The following NEK10 variants were observed in gnomAD, a reference collection of about 807,000 sequenced individuals.
NEK10 encodes serine/threonine-protein kinase Nek10.
A neutral mutation model predicts 159.8 loss-of-function variants in NEK10; 122 were observed. The observed-to-expected ratio is 0.76, with a 90% confidence interval of 0.66 to 0.89. The LOEUF is 0.89. NEK10 is among the 40% of genes least tolerant of loss of function. The pLI is 0.00. For missense variants in NEK10, 1,342 were observed against 1,323.1 expected, an observed-to-expected ratio of 1.01 and a Z score of -0.22; for synonymous variants, 466 against 457.1, an observed-to-expected ratio of 1.02 and a Z score of -0.25.
intron 26 of NEK10, among the ~76,000 whole-genome samples, chr3:27,186,502 T>C (rs937215778): frequency 2.0e-5 from 3 of 152,162 alleles, no homozygotes; most frequent in Non-Finnish European, 4.4e-5. Context: ...CCTTCTCACA[T>C]CCACTCCAGC....
intron 11 of NEK10, among the ~76,000 whole-genome samples, chr3:27,305,814 A>G (rs2149563311): frequency 6.6e-6 from 1 of 152,280 alleles, no homozygotes; most frequent in African/African-American, 2.4e-5. Context: ...CAGCTGTGCC[A>G]TGAAATATTA....
intron 22 of NEK10, among the ~76,000 whole-genome samples, chr3:27,280,095 G>GAAAAAAA (rs1203824501): frequency 1.4e-5 from 1 of 69,460 alleles, no homozygotes; most frequent in Non-Finnish European, 2.8e-5. Flanking sequence ...CCCTAAAATG[G>GAAAAAAA]AAAAAAAAAA....
At chr3:27,325,543 G>A (rs558137684) in intron 5 of NEK10, among the ~76,000 whole-genome samples, 34 of 152,146 alleles carry the variant, frequency 2.2e-4, no homozygotes, top group African/African-American at 7.7e-4. Flanking sequence ...AAACCAGCAC[G>A]TCTCAAACCT....
intron 26 of NEK10, among the ~76,000 whole-genome samples, chr3:27,176,334 G>A (rs1304082111): frequency 1.3e-5 from 2 of 152,186 alleles, no homozygotes; most frequent in Non-Finnish European, 2.9e-5. Flanking sequence ...TTCAAAGGCT[G>A]TTTTATGACT....
intron 31 of NEK10, among the ~76,000 whole-genome samples, chr3:27,133,002 T>C (rs957984712): frequency 6.6e-6 from 1 of 152,230 alleles, no homozygotes; most frequent in South Asian, 2.1e-4. Flanking sequence ...CTTTACAGGC[T>C]TAGTTAGTAC....
chr3:27,190,693 T>C (rs1263210740), intron 26 of NEK10, among the ~76,000 whole-genome samples: 1 of 152,152 alleles, frequency 6.6e-6, no homozygotes, highest in Non-Finnish European at 1.5e-5. Flanking sequence ...GTGCAGAACT[T>C]AATAATAGAA....
At chr3:27,321,425 C>A (rs1207939369) in intron 6 of NEK10, among the ~76,000 whole-genome samples, 1 of 152,158 alleles carries the variant, frequency 6.6e-6, no homozygotes, top group Admixed American at 6.5e-5. Context: ...AATCCCAGCA[C>A]TTTGGGAGGT....
At chr3:27,362,099 AATCAG>A (rs2048729183) in intron 1 of NEK10, among the ~76,000 whole-genome samples, 1 of 152,222 alleles carries the variant, frequency 6.6e-6, no homozygotes, top group Non-Finnish European at 1.5e-5. Context: ...AACTGAATGA[AATCAG>A]AGGAAAGATT....
intron 26 of NEK10, among the ~76,000 whole-genome samples, chr3:27,186,028 GA>G (rs1948586065): frequency 6.6e-6 from 1 of 152,216 alleles, no homozygotes; most frequent in Non-Finnish European, 1.5e-5. Context: ...CAATTAAGGT[GA>G]TATGAGGAGA....
intron 23 of NEK10, among the ~76,000 whole-genome samples, chr3:27,240,920 C>T (rs1249195274): frequency 6.6e-6 from 1 of 152,110 alleles, no homozygotes. Flanking sequence ...TCCTAAAGTG[C>T]TGGAATTACA....
intron 23 of NEK10, among the ~76,000 whole-genome samples, chr3:27,252,417 A>G (rs1955763173): frequency 6.6e-6 from 1 of 152,198 alleles, no homozygotes; most frequent in Admixed American, 6.5e-5. Context: ...CAAGAAGGGA[A>G]AGGACAGGGA....
chr3:27,111,461 G>A, intron 35 of NEK10, 141 bp from the exon 36 acceptor site: 1 of 659,974 alleles, frequency 1.5e-6, no homozygotes, highest in Non-Finnish European at 2.4e-6. Context: ...TTAGGATGGG[G>A]ACATTTTTAA....
intron 23 of NEK10, among the ~76,000 whole-genome samples, chr3:27,217,834 C>T (rs545600278): frequency 6.6e-6 from 1 of 152,230 alleles, no homozygotes; most frequent in African/African-American, 2.4e-5. Flanking sequence ...CTAAGACCCC[C>T]AGTGGATGCC....
chr3:27,267,467 C>T (rs1381566891), intron 22 of NEK10, among the ~76,000 whole-genome samples: 1 of 152,272 alleles, frequency 6.6e-6, no homozygotes, highest in East Asian at 1.9e-4. Flanking sequence ...TTTTCAACAG[C>T]ATCTGCTCAC....
chr3:27,360,915 T>A (rs796203537), intron 1 of NEK10, among the ~76,000 whole-genome samples: 38 of 152,356 alleles, frequency 2.5e-4, no homozygotes, highest in African/African-American at 8.9e-4. Flanking sequence ...TAAGCAATTT[T>A]CTATTTTATA....
intron 22 of NEK10, among the ~76,000 whole-genome samples, chr3:27,263,002 G>A (rs1383646839): frequency 1.3e-5 from 2 of 152,176 alleles, no homozygotes; most frequent in Non-Finnish European, 1.5e-5. Context: ...GGGTTTTGGT[G>A]TGGATGTCCT....
chr3:27,140,353 T>C (rs886540585), intron 31 of NEK10, among the ~76,000 whole-genome samples: 2 of 152,094 alleles, frequency 1.3e-5, no homozygotes, highest in Non-Finnish European at 2.9e-5. Flanking sequence ...GAAATATTAC[T>C]ACAAGTGCAC....
intron 1 of NEK10, among the ~76,000 whole-genome samples, chr3:27,366,845 C>T (rs1559574444): frequency 8.3e-6 from 1 of 120,842 alleles, no homozygotes; most frequent in Non-Finnish European, 1.6e-5. Context: ...GAGTTTCACT[C>T]TTGTTGCCCA....
chr3:27,175,104 G>A (rs1459040113), intron 26 of NEK10, among the ~76,000 whole-genome samples: 4 of 152,098 alleles, frequency 2.6e-5, no homozygotes, highest in Non-Finnish European at 4.4e-5. Context: ...CCAGTAGCGG[G>A]GGGAAATATG....
Sources: allele counts gnomAD v4.1 joint callset (sites outside exome capture counted in the v4.1 genomes callset), GRCh38; gene constraint gnomAD v4.1.1; transcripts MANE v1.5; gene names NCBI Gene and HGNC (gene_info 2026-07-23, HGNC 2026-07-21).